The following EHD4 variants were observed in gnomAD, a reference collection of about 807,000 sequenced individuals.
The protein encoded by EHD4 is EH domain-containing protein 4.
EHD4 carries 37 observed loss-of-function variants against 51.0 expected under a neutral mutation model. That is an observed-to-expected ratio of 0.73 (90% confidence interval 0.56 to 0.95). The LOEUF (loss-of-function observed/expected upper bound fraction) is 0.95, where lower values mean the gene tolerates loss of function less well. Ranked by LOEUF, EHD4 falls within the 40% of genes least tolerant of loss-of-function variation. EHD4 has a pLI of 0.00. For missense variants in EHD4, 632 were observed against 733.1 expected, an observed-to-expected ratio of 0.86 and a Z score of 1.59; for synonymous variants, 297 against 317.3, an observed-to-expected ratio of 0.94 and a Z score of 0.68.
intron 5 of EHD4, among the ~76,000 whole-genome samples, chr15:41,901,453 C>T (rs1372197376): frequency 6.6e-6 from 1 of 152,240 alleles, no homozygotes; most frequent in Non-Finnish European, 1.5e-5. Flanking sequence ...AACCTTCTTT[C>T]ACCTGCCTTT....
chr15:41,955,316 G>A (rs951484282), intron 1 of EHD4, among the ~76,000 whole-genome samples: 11 of 151,754 alleles, frequency 7.2e-5, no homozygotes, highest in African/African-American at 1.2e-4. Context: ...GCGGATGTTC[G>A]AGTGGAAATG....
chr15:41,924,083 T>C (rs575974055), intron 3 of EHD4, among the ~76,000 whole-genome samples: 2 of 152,360 alleles, frequency 1.3e-5, no homozygotes, highest in Admixed American at 6.5e-5. Context: ...CCATAAGGCA[T>C]TGAGACTTTG....
Position 41,928,393 on chromosome 15 carries a change from C to A in EHD4, c.512-8771G>T, listed in dbSNP as rs557459587. 3 of 152,288 alleles carry A rather than the reference C, an allele frequency of 2.0e-5. No homozygotes were observed. In the South Asian group the frequency reaches 6.2e-4, roughly 32 times the overall value. 9.4% of individuals were successfully genotyped at this position (152,288 alleles called of 1,614,324 possible). A position where few individuals can be genotyped will look rare whatever the true frequency, so the allele number is the denominator to read the frequency against. On this transcript the variant is annotated intron_variant, in intron 3 of 5. Coordinates refer to ENST00000220325, the MANE Select transcript of EHD4 (RefSeq NM_139265.4). ...GAGAGGTTAAGTATCCGACCCAAGGCACACAGCTGTTTCTCAGGGGAGCCC... is the reference window on the plus strand; with the variant it reads ...GAGAGGTTAAGTATCCGACCCAAGGAACACAGCTGTTTCTCAGGGGAGCCC...
intron 2 of EHD4, among the ~76,000 whole-genome samples, chr15:41,952,944 C>T (rs1287401049): frequency 7.5e-6 from 1 of 132,994 alleles, no homozygotes; most frequent in Non-Finnish European, 1.6e-5. Context: ...GAGCGGAGAT[C>T]ATGCCACTGC....
intron 1 of EHD4, among the ~76,000 whole-genome samples, chr15:41,962,299 T>C (rs1482636222): frequency 2.6e-5 from 4 of 152,160 alleles, no homozygotes; most frequent in African/African-American, 9.7e-5. Flanking sequence ...TGAGAATTGA[T>C]AGCATTTGAA....
chr15:41,921,117 G>C (rs76024922), intron 3 of EHD4, among the ~76,000 whole-genome samples: 19,902 of 152,202 alleles, frequency 0.13, 2,033 homozygotes, highest in African/African-American at 0.28. Flanking sequence ...AAACAAGACA[G>C]TTGGTAACGC....
At chr15:41,971,765 A>G (rs2067997279) in intron 1 of EHD4, among the ~76,000 whole-genome samples, 1 of 152,174 alleles carries the variant, frequency 6.6e-6, no homozygotes, top group Admixed American at 6.5e-5. Flanking sequence ...GGTGGCACGT[A>G]AAGACCTCAA....
intron 2 of EHD4, among the ~76,000 whole-genome samples, chr15:41,944,439 A>G (rs989905665): frequency 1.3e-5 from 2 of 152,172 alleles, no homozygotes; most frequent in Non-Finnish European, 1.5e-5. Flanking sequence ...ATTCTTCCGT[A>G]CGATGGAAGT....
At chr15:41,943,018 G>C (rs1379329153) in intron 3 of EHD4, 49 bp downstream of exon 3, 2 of 1,441,098 alleles carry the variant, frequency 1.4e-6, no homozygotes, top group Non-Finnish European at 1.9e-6. Context: ...TCACAGCAGA[G>C]AGGGCCTCAG....
At chr15:41,905,372 C>T (rs1355473999) in intron 5 of EHD4, among the ~76,000 whole-genome samples, 1 of 152,174 alleles carries the variant, frequency 6.6e-6, no homozygotes, top group Non-Finnish European at 1.5e-5. Flanking sequence ...TCTATAAGCC[C>T]TGTGGGAATC....
At chr15:41,962,660 G>A (rs530167265) in intron 1 of EHD4, among the ~76,000 whole-genome samples, 119 of 152,008 alleles carry the variant, frequency 7.8e-4, no homozygotes, top group African/African-American at 2.2e-3. Context: ...CAGCCGCCCC[G>A]TCCGGGAGGG....
intron 2 of EHD4, among the ~76,000 whole-genome samples, chr15:41,946,684 C>T (rs144793867): frequency 6.6e-6 from 1 of 152,092 alleles, no homozygotes; most frequent in Non-Finnish European, 1.5e-5. Context: ...TTTGATGGTG[C>T]CAGTGCACTA....
intron 1 of EHD4, among the ~76,000 whole-genome samples, chr15:41,956,130 A>G (rs1218270823): frequency 6.6e-6 from 1 of 152,226 alleles, no homozygotes; most frequent in Non-Finnish European, 1.5e-5. Context: ...ACTTTGCTCC[A>G]GAATCAGTGC....
At chr15:41,921,119 T>G (rs1288009810) in intron 3 of EHD4, among the ~76,000 whole-genome samples, 2 of 152,128 alleles carry the variant, frequency 1.3e-5, no homozygotes, top group African/African-American at 2.4e-5. Flanking sequence ...ACAAGACAGT[T>G]GGTAACGCTG....
intron 1 of EHD4, among the ~76,000 whole-genome samples, chr15:41,964,832 T>C (rs1301094264): frequency 6.6e-6 from 1 of 151,490 alleles, no homozygotes; most frequent in Non-Finnish European, 1.5e-5. Context: ...AGTTCAGTGG[T>C]GCAATCTCAG....
intron 5 of EHD4, among the ~76,000 whole-genome samples, chr15:41,903,887 G>A (rs1487195635): frequency 6.6e-6 from 1 of 152,124 alleles, no homozygotes; most frequent in Non-Finnish European, 1.5e-5. Context: ...TCAGAGCAGC[G>A]GGTACTGCAG....
intron 2 of EHD4, among the ~76,000 whole-genome samples, chr15:41,949,148 T>C (rs2067836864): frequency 6.7e-6 from 1 of 149,974 alleles, no homozygotes; most frequent in South Asian, 2.1e-4. Context: ...GGCAGGTGGA[T>C]CACCTGAGGT....
intron 2 of EHD4, among the ~76,000 whole-genome samples, chr15:41,945,159 A>G (rs1167403033): frequency 1.3e-5 from 2 of 152,198 alleles, no homozygotes; most frequent in African/African-American, 2.4e-5. Context: ...GGAGCTGAAC[A>G]TATCACACCT....
chr15:41,900,611 C>A lies in EHD4; in HGVS notation c.*34G>T. On this transcript the variant is annotated 3_prime_UTR_variant, in exon 6 of 6. Coordinates refer to ENST00000220325, the MANE Select transcript of EHD4 (RefSeq NM_139265.4). The surrounding 1 kb of genome is among the most constrained non-coding windows in gnomAD (Gnocchi z 4.8). The stretch of plus-strand genomic sequence containing the variant: ...GGTGGAGCAGGCCTGAGGCCCAGGT[C>A]CCCCAGTTCCCACCCCGTTCTGCAG... The A allele has an allele frequency of 1.3e-6, 2 of 1,528,856 alleles. No homozygotes were observed. The highest frequency in any genetic ancestry group is 1.4e-5 in the African/African-American group (1 of 73,818). 94.7% of individuals were successfully genotyped at this position (1,528,856 alleles called of 1,614,324 possible).
Sources: gnomAD v4.1 joint callset for allele counts (sites outside exome capture counted in the v4.1 genomes callset) on GRCh38, gnomAD v4.1.1 for gene constraint, Gnocchi (gnomAD v3.1) non-coding constraint, MANE v1.5 for transcripts, NCBI Gene and HGNC (gene_info 2026-07-23, HGNC 2026-07-21) for gene names.